The following TASOR variants were observed in gnomAD, a reference collection of about 807,000 sequenced individuals.
TASOR encodes the protein protein TASOR.
TASOR carries 53 observed loss-of-function variants against 178.6 expected under a neutral mutation model. The ratio of observed to expected loss-of-function variants is 0.30; its 90% CI spans 0.24 to 0.37. The LOEUF (loss-of-function observed/expected upper bound fraction) is 0.37. Ranked by LOEUF, TASOR falls within the 10% of genes least tolerant of loss-of-function variation. The probability of loss-of-function intolerance (pLI) is 1.00; values close to 1 mark genes in which losing one functional copy is unlikely to be tolerated. For synonymous variants in TASOR, 713 were observed against 696.2 expected (o/e 1.02, Z -0.38); for missense variants, 1,815 against 1,971.4 (o/e 0.92, Z 1.50).
chr3:56,676,151 G>GAACT (rs141229316), intron 1 of TASOR, among the ~76,000 whole-genome samples: 1 of 133,742 alleles, frequency 7.5e-6, no homozygotes, highest in African/African-American at 3.0e-5. Context: ...CATGAGAGCA[G>GAACT]GAACCTGCCT....
chr3:56,627,272 T>C, intron 20 of TASOR, 127 bp from the exon 21 acceptor site: 3 of 649,830 alleles, frequency 4.6e-6, no homozygotes, highest in Non-Finnish European at 8.0e-6. Flanking sequence ...TCATTTCTCT[T>C]TGTCTAAGGG....
At chr3:56,672,523 A>G (rs1232152839) in intron 2 of TASOR, among the ~76,000 whole-genome samples, 1 of 152,244 alleles carries the variant, frequency 6.6e-6, no homozygotes, top group Non-Finnish European at 1.5e-5. Context: ...AAATATTTCA[A>G]AACATCTATA....
rs1189534176 is a variant in TASOR at position 56,622,176 on chromosome 3, A to T, written c.*861T>A. 2 of 152,244 alleles carry T rather than the reference A, an allele frequency of 1.3e-5. No individual in the cohort carries two copies. Among genetic ancestry groups the T allele is most frequent in the Non-Finnish European group, 2.9e-5 (2 of 68,074 alleles). The allele number at this position is 152,244 out of a possible 1,614,324, so 9.4% of individuals were successfully genotyped here. A position where few individuals can be genotyped will look rare whatever the true frequency, so the allele number is the denominator to read the frequency against. ...TTTTTAAAAGTTAGCATTAGTAACA[A>T]GTTAGTAATTAGTATTAGAGGCAGT... On this transcript the variant is annotated 3_prime_UTR_variant, in exon 24 of 24. Coordinates refer to ENST00000683822, the MANE Select transcript of TASOR (RefSeq NM_001365635.2).
Position 56,621,522 on chromosome 3 carries a change from G to A in TASOR, c.*1515C>T. 6.4e-7 allele frequency: 1 copy of A among 1,566,362 alleles called. No homozygotes were observed. Among genetic ancestry groups the A allele is most frequent in the Non-Finnish European group, 8.7e-7 (1 of 1,153,820 alleles). ...ATTTTACTAACAAACATATATCAAT[G>A]TGATTTCAGGGCCTTCTCCAGAAGC... On this transcript the variant is annotated 3_prime_UTR_variant, in exon 24 of 24. Coordinates refer to ENST00000683822, the MANE Select transcript of TASOR (RefSeq NM_001365635.2).
Position 56,682,750 on chromosome 3 carries a change from G to T in TASOR, c.257C>A (p.Pro86His). The T allele has an allele frequency of 6.5e-7, 1 of 1,537,194 alleles. No homozygotes were observed. The highest frequency in any genetic ancestry group is 8.8e-7 in the Non-Finnish European group (1 of 1,139,470). The change falls in exon 1 of 24, where the codon CCC becomes CAC. Residue 86 changes from proline (P) to histidine (H), a missense_variant. Physicochemically the swap from Pro to His is moderately conservative, Grantham distance 77 (BLOSUM62 -2). This residue lies in a region of TASOR where 244 missense variants were observed against 202.7 expected (regional missense o/e 1.20). Transcript: ENST00000683822. The part of the protein sequence containing the change: ...DSSEAGAAAL[P>H]RGPEEPERPV... ...CCTTTCGGGCTCTTCGGGGCCTCTG[G>T]GCAGGGCGGCCGCGCCCGCCTCAGA...
chr3:56,674,454 G>A (rs1466609431), intron 1 of TASOR, among the ~76,000 whole-genome samples: 4 of 151,994 alleles, frequency 2.6e-5, no homozygotes, highest in African/African-American at 9.7e-5. Context: ...AGGCTGCAGT[G>A]AGCCACGTTC....
rs1194709086 is a variant in TASOR at position 56,668,531 on chromosome 3, T to C, written c.763A>G (p.Met255Val). The stretch of plus-strand genomic sequence containing the variant: ...ATAGATTCCAAACTTTTTACACCCA[T>C]GGGGTCATATATACTCTTTATTTTA... The part of the protein sequence containing the change: ...KGKIKSIYDP[M>V]GVKSLESMLN... Residue 255 changes from methionine (M) to valine (V), a missense_variant, in exon 6 of 24, where the codon ATG becomes GTG. Around this residue, in one of 5 missense-constraint regions of TASOR, gnomAD observed 504 missense variants for 645.3 expected, o/e 0.78. Coordinates refer to ENST00000683822, the MANE Select transcript of TASOR (RefSeq NM_001365635.2). 1 of 1,551,214 alleles carries C rather than the reference T, an allele frequency of 6.4e-7. No homozygotes were observed. Among genetic ancestry groups the C allele is most frequent in the African/African-American group, 1.4e-5 (1 of 73,036 alleles).
At chr3:56,679,526 C>T (rs912114445) in intron 1 of TASOR, among the ~76,000 whole-genome samples, 2 of 152,174 alleles carry the variant, frequency 1.3e-5, no homozygotes, top group South Asian at 2.1e-4. Context: ...CCAATGACTT[C>T]AAAAAGGCAA....
Position 56,624,533 on chromosome 3 carries a change from T to C in TASOR, c.4429A>G (p.Thr1477Ala). The C allele has an allele frequency of 6.2e-7, 1 of 1,614,130 alleles. No individual in the cohort carries two copies. Among genetic ancestry groups the C allele is most frequent in the Non-Finnish European group, 8.5e-7 (1 of 1,179,994 alleles). The change falls in exon 23 of 24, where the codon ACA (threonine) becomes GCA (alanine). Residue 1477 changes from threonine to alanine, a missense_variant. By Grantham distance (58) the Thr-to-Ala change is moderately conservative. Around this residue, in one of 5 missense-constraint regions of TASOR, gnomAD observed 278 missense variants for 257.1 expected, o/e 1.08. Coordinates refer to ENST00000683822, the MANE Select transcript of TASOR (RefSeq NM_001365635.2). ...KNLVGYHNSI[T>A]EENLPQLGAN... ...CCAAGCTGTGGAAGGTTTTCTTCTG[T>C]GATTGAATTGTGATAGCCCACAAGA...
intron 7 of TASOR, among the ~76,000 whole-genome samples, chr3:56,665,813 T>C (rs2029891682): frequency 6.6e-6 from 1 of 151,852 alleles, no homozygotes; most frequent in Non-Finnish European, 1.5e-5. Flanking sequence ...CTACTAAAAA[T>C]ACAAAAAAAT....
chr3:56,646,891 T>C lies in TASOR; in HGVS notation c.1846A>G (p.Ile616Val). 6.2e-7 allele frequency: 1 copy of C among 1,607,984 alleles called. No homozygotes were observed. The change falls in exon 14 of 24, where the codon ATT (isoleucine) becomes GTT (valine). Residue 616 changes from isoleucine (I) to valine (V), a missense_variant. Around this residue, in one of 5 missense-constraint regions of TASOR, gnomAD observed 504 missense variants for 645.3 expected, o/e 0.78. Transcript: ENST00000683822. ...TCAAATAGTTCTTTTAATTTACAAA[T>C]AGGTAACTGATACACTTCAGGCCGA... ...IFRPEVYQLPICKLKELFEEN... is the reference protein window; with the variant it reads ...IFRPEVYQLPVCKLKELFEEN...
Position 56,623,304 on chromosome 3 carries a change from C to G in TASOR, c.4746G>C (p.Glu1582Asp). Residue 1582 changes from glutamate (E) to aspartate (D), a missense_variant, in exon 24 of 24, where the codon GAG (glutamate) becomes GAC (aspartate). Glu to Asp is a conservative substitution (Grantham distance 45, BLOSUM62 2). Around this residue, in one of 5 missense-constraint regions of TASOR, gnomAD observed 278 missense variants for 257.1 expected, o/e 1.08. Transcript: ENST00000683822. ...AATCTTGTTCTGTTGAATTGCTGTT[C>G]TCTCCTTCAGAGCATACTATATCAA... ...TSIDIVCSEG[E>D]NSNSTEQDSY... 6.2e-7 allele frequency: 1 copy of G among 1,613,482 alleles called. No homozygotes were observed. Among genetic ancestry groups the G allele is most frequent in the African/African-American group, 1.3e-5 (1 of 75,016 alleles).
At chr3:56,640,291 C>A (rs2077095430) in intron 15 of TASOR, among the ~76,000 whole-genome samples, 161 bp from the exon 16 acceptor site, 1 of 152,160 alleles carries the variant, frequency 6.6e-6, no homozygotes, top group African/African-American at 2.4e-5. Flanking sequence ...ATTAAAACAT[C>A]TTTTCCCTCG....
intron 7 of TASOR, chr3:56,663,898 T>C (rs2077652609): frequency 2.1e-6 from 2 of 970,282 alleles, no homozygotes; most frequent in Non-Finnish European, 2.5e-6. Context: ...ACAGCCTCAA[T>C]ATATAAATAT....
intron 3 of TASOR, 41 bp downstream of exon 3, chr3:56,671,559 A>C (rs1219613867): frequency 1.4e-6 from 2 of 1,392,194 alleles, no homozygotes; most frequent in African/African-American, 2.9e-5. Flanking sequence ...CTTACAATGG[A>C]AACATCCCCA....
chr3:56,658,001 C>T (rs902977739), intron 11 of TASOR, among the ~76,000 whole-genome samples: 4 of 152,174 alleles, frequency 2.6e-5, no homozygotes, highest in Admixed American at 2.6e-4. Flanking sequence ...TACATTTTTA[C>T]TTACTGTGGG....
chr3:56,671,832 C>T (rs2030770076), intron 2 of TASOR, 140 bp from the exon 3 acceptor site: 1 of 516,000 alleles, frequency 1.9e-6, no homozygotes, highest in Non-Finnish European at 3.3e-6. Flanking sequence ...CTCTGTCCTT[C>T]AGTTTTTCCC....
In TASOR at chr3:56,633,870, T is replaced by TA. The variant is rs766310991; in HGVS notation, c.2920dup (p.Tyr974LeufsTer17). On this transcript the variant is annotated frameshift_variant, in exon 18 of 24. Coordinates refer to ENST00000683822, the MANE Select transcript of TASOR (RefSeq NM_001365635.2). LOFTEE classifies it high-confidence loss of function. ...TGTAAATGGAGAGGATGGAAACTGG[T>TA]AATCAGAACTTCTCTGTCTATTTAT... The TA allele has an allele frequency of 2.5e-6, 4 of 1,609,948 alleles. No homozygotes were observed. Among genetic ancestry groups the TA allele is most frequent in the Non-Finnish European group, 3.4e-6 (4 of 1,177,868 alleles).
chr3:56,668,356 A>G, intron 6 of TASOR, 41 bp downstream of exon 6: 1 of 1,533,156 alleles, frequency 6.5e-7, no homozygotes, highest in East Asian at 2.5e-5. Context: ...GGTAACAAAC[A>G]GGTATGAGAT....
Sources: gnomAD v4.1 joint callset for allele counts (sites outside exome capture counted in the v4.1 genomes callset) on GRCh38, gnomAD v4.1.1 for gene constraint, gnomAD v4.1.1 regional missense constraint, MANE v1.5 for transcripts, NCBI Gene and HGNC (gene_info 2026-07-23, HGNC 2026-07-21) for gene names.